The following PKIB variants were observed in gnomAD, a reference collection of about 807,000 sequenced individuals.
PKIB encodes the protein PKI-beta.
In PKIB, 2 loss-of-function variants were observed where a neutral mutation model predicts 4.5. The observed-to-expected ratio is 0.44, with a 90% confidence interval of 0.18 to 1.39. The LOEUF is 1.39. Ranked by LOEUF, PKIB falls within the 40% of genes most tolerant of loss-of-function variation. The pLI, the probability that PKIB is intolerant of heterozygous loss-of-function variation, is 0.27. For missense variants in PKIB, 94 were observed against 92.6 expected (o/e 1.02, Z -0.06); for synonymous variants, 38 against 36.0 (o/e 1.06, Z -0.20).
chr6:122,492,537 C>T (rs535051397), intron 2 of PKIB, among the ~76,000 whole-genome samples: 7 of 152,156 alleles, frequency 4.6e-5, no homozygotes, highest in Non-Finnish European at 1.0e-4. Flanking sequence ...ACTTAAGAGA[C>T]ATTCTTTCAA....
intron 3 of PKIB, among the ~76,000 whole-genome samples, chr6:122,715,420 G>A (rs910917993): frequency 5.9e-5 from 9 of 151,906 alleles, no homozygotes; most frequent in Admixed American, 1.3e-4. Flanking sequence ...ATTGGTGGAG[G>A]ACAGAGTGGA....
At chr6:122,543,466 A>G (rs9385258) in intron 2 of PKIB, among the ~76,000 whole-genome samples, 20,536 of 147,484 alleles carry the variant, frequency 0.14, 1,546 homozygotes, top group East Asian at 0.26. Flanking sequence ...TGCAACCTCC[A>G]CCTCCCAGGT....
At chr6:122,586,684 A>ATG (rs1773857783) in intron 3 of PKIB, among the ~76,000 whole-genome samples, 1 of 152,024 alleles carries the variant, frequency 6.6e-6, no homozygotes, top group African/African-American at 2.4e-5. Context: ...TTTATTTCGC[A>ATG]TGTGTGTGTA....
intron 3 of PKIB, among the ~76,000 whole-genome samples, chr6:122,711,241 G>A (rs970287814): frequency 6.6e-6 from 1 of 152,072 alleles, no homozygotes. Context: ...TTCATATACA[G>A]TGAATTTTCT....
chr6:122,541,399 A>G lies in PKIB; in HGVS notation c.-247-44522A>G, dbSNP rs550212905. Among the ~76,000 whole-genome samples, 25 of 151,542 alleles carry G rather than the reference A, an allele frequency of 1.6e-4. No individual in the cohort carries two copies. In the South Asian group the frequency reaches 5.2e-3, roughly 32 times the overall value. ...CCTGGTGGTGACAAAATCTCTCAGC[A>G]TTTGCTTGTCTGTAAAGTATTTTAT... On this transcript the variant is annotated intron_variant, in intron 2 of 6. Transcript: ENST00000392491.
chr6:122,488,473 C>G (rs1775835821), intron 2 of PKIB, among the ~76,000 whole-genome samples: 1 of 152,058 alleles, frequency 6.6e-6, no homozygotes, highest in Non-Finnish European at 1.5e-5. Flanking sequence ...CTGTGTTGCC[C>G]AGGCTGGAGT....
intron 1 of PKIB, 126 bp from the exon 2 acceptor site, chr6:122,633,157 A>T (rs766388096): frequency 6.6e-5 from 10 of 152,232 alleles, no homozygotes; most frequent in Non-Finnish European, 1.3e-4. Context: ...TTGTTTTAAC[A>T]ACATGTGACA....
chr6:122,558,781 T>A, intron 2 of PKIB, among the ~76,000 whole-genome samples: 1 of 152,144 alleles, frequency 6.6e-6, no homozygotes, highest in Non-Finnish European at 1.5e-5. Flanking sequence ...AGTTATTGGG[T>A]ACAGGTGGTA....
intron 4 of PKIB, among the ~76,000 whole-genome samples, chr6:122,719,365 A>G (rs142340485): frequency 0.011 from 1,714 of 152,332 alleles, 36 homozygotes; most frequent in African/African-American, 0.038. Flanking sequence ...AAAGGCATCA[A>G]TTAAGAAACT....
intron 1 of PKIB, among the ~76,000 whole-genome samples, chr6:122,615,688 G>A (rs1190939100): frequency 1.3e-5 from 2 of 152,136 alleles, no homozygotes; most frequent in Non-Finnish European, 2.9e-5. Flanking sequence ...AATATGACTG[G>A]TTTCCTTATA....
rs147343829 is a variant in PKIB, at chr6:122,573,924, C to G, written c.-247-11997C>G. Among the ~76,000 whole-genome samples, 23 of 152,214 alleles carry G rather than the reference C, an allele frequency of 1.5e-4. 1 individual carries two copies. In the East Asian group the frequency reaches 4.4e-3, roughly 29 times the overall value. ...ATAGTACTGGAAGTTTTAGCCAGAG[C>G]TATCAGACAAAAGAAATAAATAAAG... On this transcript the variant is annotated intron_variant, in intron 2 of 6. Transcript: ENST00000392491.
chr6:122,573,513 C>T (rs1773432981), intron 2 of PKIB, among the ~76,000 whole-genome samples: 1 of 125,134 alleles, frequency 8.0e-6, no homozygotes, highest in African/African-American at 3.1e-5. Context: ...CAGAGTTAGA[C>T]TCTGTCTCAA....
chr6:122,538,776 G>A (rs1344383108), intron 2 of PKIB, among the ~76,000 whole-genome samples: 1 of 152,018 alleles, frequency 6.6e-6, no homozygotes, highest in Non-Finnish European at 1.5e-5. Context: ...GGGCAATATG[G>A]CCATTTTCAC....
chr6:122,641,690 CTTA>C (rs998063421), intron 2 of PKIB, among the ~76,000 whole-genome samples: 1 of 151,826 alleles, frequency 6.6e-6, no homozygotes, highest in African/African-American at 2.4e-5. Context: ...CTTGTTACTG[CTTA>C]TTATTATTAT....
At chr6:122,686,916 T>A (rs1778114502) in intron 3 of PKIB, among the ~76,000 whole-genome samples, 1 of 152,226 alleles carries the variant, frequency 6.6e-6, no homozygotes, top group African/African-American at 2.4e-5. Flanking sequence ...TTCCATGAGT[T>A]CTCTCTTCAC....
intron 4 of PKIB, 64 bp downstream of exon 4, chr6:122,718,027 G>T: frequency 1.3e-6 from 2 of 1,501,194 alleles, no homozygotes; most frequent in Non-Finnish European, 1.8e-6. Context: ...CCTTTTCTCT[G>T]GACAGTCTTT....
intron 1 of PKIB, among the ~76,000 whole-genome samples, chr6:122,630,169 A>T (rs111738212): frequency 6.6e-6 from 1 of 152,140 alleles, no homozygotes; most frequent in Non-Finnish European, 1.5e-5. Context: ...TAGCAATTCC[A>T]CTTCTGTGTA....
At chr6:122,515,801 T>C (rs372200498) in intron 2 of PKIB, among the ~76,000 whole-genome samples, 11 of 152,228 alleles carry the variant, frequency 7.2e-5, no homozygotes, top group African/African-American at 2.4e-4. Flanking sequence ...CTGCAACCTG[T>C]GCCTCCTGGG....
chr6:122,647,494 CAA>C (rs1776373437), intron 2 of PKIB, among the ~76,000 whole-genome samples: 1 of 152,134 alleles, frequency 6.6e-6, no homozygotes, highest in South Asian at 2.1e-4. Flanking sequence ...AAGAACATAG[CAA>C]AGTCATTCTT....
Sources: allele counts gnomAD v4.1 joint callset (sites outside exome capture counted in the v4.1 genomes callset), GRCh38; gene constraint gnomAD v4.1.1; transcripts MANE v1.5; gene names NCBI Gene and HGNC (gene_info 2026-07-23, HGNC 2026-07-21).